ADAMTSL2: variants seen among roughly 807,000 people sequenced by gnomAD.
ADAMTSL2 encodes ADAMTS like 2.
ADAMTSL2 carries 55 observed loss-of-function variants against 117.0 expected under a neutral mutation model. That is an observed-to-expected ratio of 0.47 (90% CI 0.38 to 0.59). The LOEUF is 0.59. Among genes scored for constraint, ADAMTSL2 ranks in the 20% least tolerant of loss-of-function variants. The pLI is 0.00. For missense variants in ADAMTSL2, 1,182 were observed against 1,354.5 expected, an observed-to-expected ratio of 0.87 and a Z score of 2.00; for synonymous variants, 572 against 566.4, an observed-to-expected ratio of 1.01 and a Z score of -0.14.
chr9:133,540,258 T>TCCTGCTCA (rs1340054243), intron 5 of ADAMTSL2, among the ~76,000 whole-genome samples: 1 of 152,186 alleles, frequency 6.6e-6, no homozygotes, highest in Non-Finnish European at 1.5e-5. Context: ...TTCATCCTTC[T>TCCTGCTCA]CCTGCTCACC....
chr9:133,539,662 C>CCGGCTGTCCCGGCTGTCA, intron 4 of ADAMTSL2, 109 bp from the exon 5 acceptor site: 1 of 1,097,236 alleles, frequency 9.1e-7, no homozygotes, highest in Non-Finnish European at 1.3e-6. Flanking sequence ...CACGGCTGTC[C>CCGGCTGTCCCGGCTGTCA]CGGCTGTCCC....
chr9:133,536,944 T>A (rs1472909395), intron 2 of ADAMTSL2, 142 bp downstream of exon 2: 1 of 1,398,528 alleles, frequency 7.2e-7, no homozygotes, highest in East Asian at 2.5e-5. Flanking sequence ...TAGAAACTTC[T>A]GCCCAGAGCC....
chr9:133,537,982 A>G (rs1035006665), intron 3 of ADAMTSL2, among the ~76,000 whole-genome samples: 7 of 152,194 alleles, frequency 4.6e-5, no homozygotes, highest in Admixed American at 3.9e-4. Flanking sequence ...ACCTTGGGCA[A>G]GTCACTTAAC....
intron 9 of ADAMTSL2, among the ~76,000 whole-genome samples, chr9:133,553,014 G>A (rs900332272): frequency 1.3e-5 from 2 of 152,210 alleles, no homozygotes; most frequent in African/African-American, 4.8e-5. Context: ...CTGACTGGGC[G>A]AGAATGTGAC....
intron 12 of ADAMTSL2, among the ~76,000 whole-genome samples, chr9:133,564,723 TGA>T (rs900993789): frequency 3.2e-4 from 15 of 46,634 alleles, no homozygotes; most frequent in Non-Finnish European, 3.6e-4. Flanking sequence ...AGAGAGAGGG[TGA>T]GAGAGAGAGA....
chr9:133,564,609 AGAGAGAGAGAGAGAGG>A (rs1588305319), intron 12 of ADAMTSL2, among the ~76,000 whole-genome samples: 6 of 32,778 alleles, frequency 1.8e-4, no homozygotes, highest in South Asian at 1.3e-3. Context: ...AGAGAGAGGG[AGAGAGAGAGAGAGAGG>A]GAGAGAGAGA....
intron 8 of ADAMTSL2, among the ~76,000 whole-genome samples, chr9:133,544,752 C>T (rs1331500888): frequency 6.6e-6 from 1 of 152,144 alleles, no homozygotes; most frequent in African/African-American, 2.4e-5. Flanking sequence ...AGCTTTACCC[C>T]TGTGCATGGC....
chr9:133,550,692 C>CTCCA (rs35776500), intron 9 of ADAMTSL2, among the ~76,000 whole-genome samples: 68,045 of 151,642 alleles, frequency 0.45, 15,588 homozygotes, highest in Non-Finnish European at 0.49. Context: ...AGAGACTGGA[C>CTCCA]GTTCAGGAGC....
chr9:133,563,202 C>T (rs1830788248), intron 12 of ADAMTSL2, among the ~76,000 whole-genome samples: 2 of 152,200 alleles, frequency 1.3e-5, no homozygotes, highest in Non-Finnish European at 2.9e-5. Context: ...TGGATGCTGC[C>T]GTTCTGAGGG....
chr9:133,555,699 C>T lies in ADAMTSL2; in HGVS notation c.1418C>T (p.Thr473Ile), dbSNP rs985068173. 3 of 1,613,982 alleles carry T rather than the reference C, an allele frequency of 1.9e-6. No homozygotes were observed. Among genetic ancestry groups the T allele is most frequent in the South Asian group, 2.2e-5 (2 of 91,088 alleles). Residue 473 changes from threonine to isoleucine, a missense_variant, in exon 11 of 19, where the codon ACC becomes ATC. Thr to Ile is a moderately conservative substitution (Grantham distance 89). This residue lies in a region of ADAMTSL2 where 345 missense variants were observed against 325.8 expected (regional missense o/e 1.06). Transcript: ENST00000651351. ...GCAGGCTCTGACTTGAAGGACTTCA[C>T]CCTCAATGAGACTGTGAACAGCATC... ...LGAGSDLKDFTLNETVNSIFA... is the reference protein window; with the variant it reads ...LGAGSDLKDFILNETVNSIFA...
intron 3 of ADAMTSL2, among the ~76,000 whole-genome samples, 187 bp downstream of exon 3, chr9:133,537,734 G>C (rs1286491273): frequency 6.6e-6 from 1 of 152,252 alleles, no homozygotes; most frequent in East Asian, 1.9e-4. Context: ...CAGCACTGGT[G>C]CTCTGGGGTC....
At chr9:133,553,554 A>G (rs1406303904) in intron 9 of ADAMTSL2, among the ~76,000 whole-genome samples, 1 of 152,056 alleles carries the variant, frequency 6.6e-6, no homozygotes, top group Non-Finnish European at 1.5e-5. Flanking sequence ...TTTCGCTGGC[A>G]TTCTCTCCCA....
chr9:133,542,301 G>A (rs1440194935), intron 7 of ADAMTSL2, among the ~76,000 whole-genome samples: 1 of 152,194 alleles, frequency 6.6e-6, no homozygotes, highest in Non-Finnish European at 1.5e-5. Context: ...GGGCGAGGTG[G>A]GCAGAGGCCC....
intron 7 of ADAMTSL2, among the ~76,000 whole-genome samples, chr9:133,541,991 G>A (rs1420351499): frequency 6.6e-6 from 1 of 152,232 alleles, no homozygotes; most frequent in African/African-American, 2.4e-5. Flanking sequence ...GACCCACTTA[G>A]CAGATGGGGA....
chr9:133,544,758 A>G (rs1205830988), intron 8 of ADAMTSL2, among the ~76,000 whole-genome samples: 1 of 152,150 alleles, frequency 6.6e-6, no homozygotes, highest in Non-Finnish European at 1.5e-5. Flanking sequence ...ACCCCTGTGC[A>G]TGGCAGGACC....
intron 12 of ADAMTSL2, among the ~76,000 whole-genome samples, chr9:133,566,109 G>A (rs1326929517): frequency 6.6e-6 from 1 of 152,220 alleles, no homozygotes; most frequent in Non-Finnish European, 1.5e-5. Flanking sequence ...GGATTACAGA[G>A]TACGGGGCAC....
At chr9:133,532,738 A>G (rs544134803), upstream of ADAMTSL2, among the ~76,000 whole-genome samples, 21 of 152,180 alleles carry the variant, frequency 1.4e-4, no homozygotes, top group African/African-American at 4.3e-4. Context: ...CGTGCCAGTC[A>G]TGGCTCCCTG....
chr9:133,548,850 G>A (rs1005834251), intron 9 of ADAMTSL2, among the ~76,000 whole-genome samples: 9 of 152,320 alleles, frequency 5.9e-5, no homozygotes, highest in Non-Finnish European at 7.4e-5. Context: ...GGACCTATGC[G>A]CTTTGCACGA....
intron 9 of ADAMTSL2, among the ~76,000 whole-genome samples, chr9:133,550,491 A>G (rs1033743871): frequency 3.1e-4 from 47 of 152,094 alleles, no homozygotes; most frequent in African/African-American, 9.9e-4. Flanking sequence ...GTCCCATTCA[A>G]TCAAATACTC....
Sources: gnomAD v4.1 joint callset for allele counts (sites outside exome capture counted in the v4.1 genomes callset) on GRCh38, gnomAD v4.1.1 for gene constraint, gnomAD v4.1.1 regional missense constraint, MANE v1.5 for transcripts, NCBI Gene and HGNC (gene_info 2026-07-23, HGNC 2026-07-21) for gene names.